NPR3: variants seen among roughly 807,000 people sequenced by gnomAD.
The protein encoded by NPR3 is atrial natriuretic peptide receptor 3.
In NPR3, 34 loss-of-function variants were observed where a neutral mutation model predicts 54.5. That is an observed-to-expected ratio of 0.62 (90% CI 0.47 to 0.83). The LOEUF (loss-of-function observed/expected upper bound fraction) is 0.83, where lower values mean the gene tolerates loss of function less well. Among genes scored for constraint, NPR3 ranks in the 40% least tolerant of loss-of-function variants. The pLI, the probability that NPR3 is intolerant of heterozygous loss-of-function variation, is 0.00. For synonymous variants in NPR3, 289 were observed against 297.1 expected, an observed-to-expected ratio of 0.97 and a Z score of 0.28; for missense variants, 674 against 720.8, an observed-to-expected ratio of 0.94 and a Z score of 0.74.
rs1203240261 is a variant in NPR3 at position 32,786,176 on chromosome 5, G to GA, written c.1515-55dup. On this transcript the variant is annotated intron_variant, in intron 7 of 7. Transcript: ENST00000265074. The stretch of plus-strand genomic sequence containing the variant: ...TCCCTTGAGGGCACTCTTTGTAAGA[G>GA]AAACCATGGTATTTTGTAGCCAAGT... 4.2e-6 allele frequency: 3 copies of GA among 718,688 alleles called. No individual in the cohort carries two copies. In the African/African-American group the frequency reaches 5.4e-5, roughly 13 times the overall value. 44.5% of individuals were successfully genotyped at this position (718,688 alleles called of 1,614,324 possible).
chr5:32,732,809 C>T (rs1186378837), intron 2 of NPR3, among the ~76,000 whole-genome samples: 2 of 152,076 alleles, frequency 1.3e-5, no homozygotes, highest in Non-Finnish European at 2.9e-5. Flanking sequence ...GAAAAGACCT[C>T]TATTTTATTT....
chr5:32,748,622 T>C (rs934197949), intron 3 of NPR3, among the ~76,000 whole-genome samples: 5 of 152,208 alleles, frequency 3.3e-5, no homozygotes, highest in Non-Finnish European at 5.9e-5. Flanking sequence ...CCACCAGTGC[T>C]TCTTCTTGGC....
chr5:32,714,967 T>TGA (rs1397113301), intron 1 of NPR3, among the ~76,000 whole-genome samples: 5 of 152,170 alleles, frequency 3.3e-5, no homozygotes, highest in Admixed American at 1.3e-4. Context: ...TGGGAAACTG[T>TGA]GAGGGTTACA....
intron 1 of NPR3, among the ~76,000 whole-genome samples, chr5:32,714,787 G>A (rs1001304364): frequency 6.6e-6 from 1 of 152,126 alleles, no homozygotes; most frequent in African/African-American, 2.4e-5. Flanking sequence ...ATACATTGAA[G>A]TAACACAGTT....
In NPR3 at chr5:32,786,351, G is replaced by A; in HGVS notation, c.*6G>A. ...CCCATTTTTCAGTAGCTTAAAGGAA[G>A]CCCCCCACTTTTTTTTTTTCTGCCT... On this transcript the variant is annotated 3_prime_UTR_variant, in exon 8 of 8. Coordinates refer to ENST00000265074, the MANE Select transcript of NPR3 (RefSeq NM_001204375.2). 7 of 1,278,736 alleles carry A rather than the reference G, an allele frequency of 5.5e-6. No individual in the cohort carries two copies. The highest frequency in any genetic ancestry group is 7.8e-6 in the Non-Finnish European group (7 of 892,138). 79.2% of individuals were successfully genotyped at this position (1,278,736 alleles called of 1,614,324 possible). A position where few individuals can be genotyped will look rare whatever the true frequency, so the allele number is the denominator to read the frequency against.
In NPR3 at chr5:32,735,463, A is replaced by G. The variant is rs906533865; in HGVS notation, c.893-3401A>G. 1.1e-4 allele frequency among the ~76,000 whole-genome samples: 16 copies of G among 143,840 alleles called. 1 individual carries two copies. Among genetic ancestry groups the G allele is most frequent in the African/African-American group, 4.3e-4 (16 of 37,542 alleles). 94.4% of individuals were successfully genotyped at this position (143,840 alleles called of 152,430 possible). On this transcript the variant is annotated intron_variant, in intron 2 of 7. Coordinates refer to ENST00000265074, the MANE Select transcript of NPR3 (RefSeq NM_001204375.2). Reference sequence around the variant, plus strand: ...CAATGCTTATTGTTGAAAATTTACTATATTCAGAAAAATACCAAAAAAAAA... The same window carrying G: ...CAATGCTTATTGTTGAAAATTTACTGTATTCAGAAAAATACCAAAAAAAAA...
intron 3 of NPR3, among the ~76,000 whole-genome samples, chr5:32,769,882 T>A (rs1173871055): frequency 3.3e-5 from 5 of 152,184 alleles, no homozygotes; most frequent in African/African-American, 4.8e-5. Flanking sequence ...AACTATGAAT[T>A]TGTGTCTCCA....
At chr5:32,730,789 A>C (rs1739408153) in intron 2 of NPR3, among the ~76,000 whole-genome samples, 1 of 152,214 alleles carries the variant, frequency 6.6e-6, no homozygotes, top group Non-Finnish European at 1.5e-5. Flanking sequence ...AAACTACAAA[A>C]CACTGATGAA....
intron 2 of NPR3, among the ~76,000 whole-genome samples, chr5:32,733,723 A>C (rs556594831): frequency 2.6e-4 from 39 of 152,372 alleles, no homozygotes; most frequent in African/African-American, 9.4e-4. Flanking sequence ...AAAAAGAAAA[A>C]GAATTCTCAC....
intron 1 of NPR3, among the ~76,000 whole-genome samples, chr5:32,723,659 C>A (rs1738984293): frequency 6.6e-6 from 1 of 152,088 alleles, no homozygotes; most frequent in African/African-American, 2.4e-5. Flanking sequence ...TCCGGCAAAT[C>A]TGGTGATTTA....
At chr5:32,755,239 A>G (rs72742728) in intron 3 of NPR3, among the ~76,000 whole-genome samples, 2 of 152,310 alleles carry the variant, frequency 1.3e-5, no homozygotes, top group African/African-American at 2.4e-5. Flanking sequence ...CACACATATT[A>G]TATTCATTTC....
At chr5:32,709,016 G>C (rs1738075568), upstream of NPR3, among the ~76,000 whole-genome samples, 2 of 151,658 alleles carry the variant, frequency 1.3e-5, no homozygotes, top group African/African-American at 4.9e-5. Context: ...CAAGTCGAGA[G>C]CTCTTGTCCA....
At chr5:32,725,734 T>G (rs1739106199) in intron 2 of NPR3, among the ~76,000 whole-genome samples, 1 of 152,230 alleles carries the variant, frequency 6.6e-6, no homozygotes, top group South Asian at 2.1e-4. Context: ...CACATTTGTG[T>G]GTATATGTGC....
In NPR3 at chr5:32,786,524, C is replaced by T. The variant is rs1332847930; in HGVS notation, c.*179C>T. Reference sequence around the variant, plus strand: ...ATTATGATTAATCACCATCTGCCTCCAGGCCTTTCATCTCATGACAAACAA... The same window carrying T: ...ATTATGATTAATCACCATCTGCCTCTAGGCCTTTCATCTCATGACAAACAA... On this transcript the variant is annotated 3_prime_UTR_variant, in exon 8 of 8. Coordinates refer to ENST00000265074, the MANE Select transcript of NPR3 (RefSeq NM_001204375.2). The T allele has an allele frequency of 1.7e-6, 1 of 601,422 alleles. No individual in the cohort carries two copies. Among genetic ancestry groups the T allele is most frequent in the Non-Finnish European group, 2.9e-6 (1 of 341,846 alleles). 37.3% of individuals were successfully genotyped at this position (601,422 alleles called of 1,614,324 possible).
chr5:32,756,612 A>G (rs965585321), intron 3 of NPR3, among the ~76,000 whole-genome samples: 8 of 152,158 alleles, frequency 5.3e-5, no homozygotes, highest in African/African-American at 1.9e-4. Context: ...GTTTAATGAG[A>G]TCCCATTTGT....
chr5:32,728,837 G>GTGTA (rs1328627035), intron 2 of NPR3, among the ~76,000 whole-genome samples: 30 of 47,998 alleles, frequency 6.3e-4, no homozygotes, highest in East Asian at 1.1e-3. Flanking sequence ...GTGTGTGTGT[G>GTGTA]TATATATATA....
At chr5:32,728,835 GTGTATATATATATATATATATATATATA>G (rs1219159627) in intron 2 of NPR3, among the ~76,000 whole-genome samples, 1 of 60,634 alleles carries the variant, frequency 1.6e-5, no homozygotes, top group Non-Finnish European at 3.1e-5. Context: ...GTGTGTGTGT[GTGTATATATATATATATATATATATATA>G]TATATATATA....
intron 5 of NPR3, 98 bp from the exon 6 acceptor site, chr5:32,782,795 A>C: frequency 8.3e-7 from 1 of 1,207,930 alleles, no homozygotes; most frequent in Non-Finnish European, 1.1e-6. Context: ...GCCAGTTTAG[A>C]TCAGGCTGTA....
At position 32,712,277 on chromosome 5, in the gene NPR3, G is replaced by A. The variant is rs1338163806; in HGVS notation, c.501G>A (p.Lys167=). 6 of 1,612,938 alleles carry A rather than the reference G, an allele frequency of 3.7e-6. No homozygotes were observed. The highest frequency in any genetic ancestry group is 1.3e-5 in the African/African-American group (1 of 74,948). The part of the protein sequence containing the change: ...AGALAAGFQH[K]DSEYSHLTRV... ...CGCTGGCCGCTGGCTTCCAGCACAA[G>A]GACTCTGAGTACTCGCACCTCACGC... Residue 167 remains lysine, a synonymous_variant, in exon 1 of 8, where the codon AAG becomes AAA. Transcript: ENST00000265074.
Sources: allele counts gnomAD v4.1 joint callset (sites outside exome capture counted in the v4.1 genomes callset), GRCh38; gene constraint gnomAD v4.1.1; transcripts MANE v1.5; gene names NCBI Gene and HGNC (gene_info 2026-07-23, HGNC 2026-07-21).